The following ASCC1 variants were observed in gnomAD, a reference collection of about 807,000 sequenced individuals.
The protein encoded by ASCC1 is ASC-1 complex subunit P50.
Under a neutral mutation model 46.6 loss-of-function variants are expected in ASCC1, and 35 were observed. That is an observed-to-expected ratio of 0.75 (90% CI 0.57 to 0.99). ASCC1 has a LOEUF of 0.99. Among genes scored for constraint, ASCC1 ranks in the 50% least tolerant of loss-of-function variants. The probability of loss-of-function intolerance (pLI) is 0.00; values close to 1 mark genes in which losing one functional copy is unlikely to be tolerated. For synonymous variants in ASCC1, 143 were observed against 146.6 expected (o/e 0.98, Z 0.18); for missense variants, 376 against 428.7 (o/e 0.88, Z 1.09).
At chr10:72,133,293 G>C in intron 7 of ASCC1, 112 bp from the exon 8 acceptor site, 1 of 1,086,108 alleles carries the variant, frequency 9.2e-7, no homozygotes, top group Non-Finnish European at 1.4e-6. Context: ...ACCATACAAA[G>C]CCCTGCATCA....
At chr10:72,172,392 G>A (rs1369129154) in intron 5 of ASCC1, among the ~76,000 whole-genome samples, 3 of 121,908 alleles carry the variant, frequency 2.5e-5, no homozygotes, top group Non-Finnish European at 3.3e-5. Context: ...TGCTGTCTGG[G>A]CAAAAGAGCA....
rs762289534 is a variant in ASCC1, at chr10:72,213,601, T to TA, written c.-33-271dup. On this transcript the variant is annotated intron_variant, in intron 1 of 9. Transcript: ENST00000672957. ...AAAATGATTAAAAGGCATACACTCT[T>TA]AAAAAAAAAAAAAAAAGAAGGAAGG... 6.8e-3 allele frequency among the ~76,000 whole-genome samples: 874 copies of TA among 128,370 alleles called. 9 individuals are homozygous for TA. Among genetic ancestry groups the TA allele is most frequent in the African/African-American group, 0.019 (677 of 35,444 alleles). The allele number at this position is 128,370 out of a possible 152,430, so 84.2% of individuals were successfully genotyped here.
At chr10:72,106,991 A>T (rs1331179356) in intron 9 of ASCC1, among the ~76,000 whole-genome samples, 1 of 152,188 alleles carries the variant, frequency 6.6e-6, no homozygotes, top group Non-Finnish European at 1.5e-5. Context: ...ATACAACCAG[A>T]TAGCAAAGAA....
At chr10:72,101,586 A>C (rs1841766766) in intron 9 of ASCC1, among the ~76,000 whole-genome samples, 1 of 152,094 alleles carries the variant, frequency 6.6e-6, no homozygotes, top group Admixed American at 6.5e-5. Context: ...GAAAGACAGA[A>C]GGAAGGAGAA....
chr10:72,186,263 G>A (rs1468579466), intron 5 of ASCC1, among the ~76,000 whole-genome samples: 2 of 151,892 alleles, frequency 1.3e-5, no homozygotes, highest in Non-Finnish European at 2.9e-5. Flanking sequence ...TGAGTAGCTG[G>A]GGTGCCCACC....
chr10:72,161,634 T>C lies in ASCC1; in HGVS notation c.530A>G (p.Lys177Arg), dbSNP rs866750467. The stretch of plus-strand genomic sequence containing the variant: ...CAACATCCCAATAGTTAGATGAAGC[T>C]TTTTAGGATTCTGGAAAATGCTGCT... ...VDSSIFQNPK[K>R]LHLTIGMLVL... Residue 177 changes from lysine to arginine, a missense_variant, in exon 6 of 10, where the codon AAG (lysine) becomes AGG (arginine). Coordinates refer to ENST00000672957, the MANE Select transcript of ASCC1 (RefSeq NM_001198800.3). 1 of 1,614,158 alleles carries C rather than the reference T, an allele frequency of 6.2e-7. No homozygotes were observed.
chr10:72,097,366 A>G lies in ASCC1; in HGVS notation c.1042T>C (p.Tyr348His), dbSNP rs1841204036. ...QRFTVDSFGN[Y>H]ASCGQIDFS ...AAGTCAATTTGTCCACAGGAAGCGT[A>G]GTTTCCAAAGCTGTCTACGGTGAAC... Residue 348 changes from tyrosine (Y) to histidine (H), a missense_variant, in exon 10 of 10, where the codon TAC becomes CAC. Transcript: ENST00000672957. 7.4e-6 allele frequency: 12 copies of G among 1,613,734 alleles called. No individual in the cohort carries two copies. Among genetic ancestry groups the G allele is most frequent in the Admixed American group, 1.7e-5 (1 of 60,024 alleles).
At chr10:72,119,719 GA>G (rs201739999) in intron 9 of ASCC1, among the ~76,000 whole-genome samples, 62 of 140,476 alleles carry the variant, frequency 4.4e-4, no homozygotes, top group Non-Finnish European at 4.8e-4. Context: ...ATAGTAAAAG[GA>G]AAAAAAAAAA....
chr10:72,160,781 T>TAA (rs568875489), intron 6 of ASCC1, among the ~76,000 whole-genome samples: 6 of 132,276 alleles, frequency 4.5e-5, no homozygotes, highest in African/African-American at 1.1e-4. Context: ...TTATTTGTAT[T>TAA]AAAAAAAAAA....
At chr10:72,112,299 T>A (rs1843002998) in intron 9 of ASCC1, among the ~76,000 whole-genome samples, 1 of 152,182 alleles carries the variant, frequency 6.6e-6, no homozygotes, top group Non-Finnish European at 1.5e-5. Flanking sequence ...TTGAAAACAT[T>A]ATGCTGAGTG....
At position 72,128,862 on chromosome 10, in the gene ASCC1, A is replaced by G. The variant is rs370401223; in HGVS notation, c.872-695T>C. Reference sequence around the variant, plus strand: ...AAGAAAAAAAATGTAACATCATTTCATGTCCTTCTCAAGTAAAAATTCAAT... The same window carrying G: ...AAGAAAAAAAATGTAACATCATTTCGTGTCCTTCTCAAGTAAAAATTCAAT... On this transcript the variant is annotated intron_variant, in intron 8 of 9. Transcript: ENST00000672957. Among the ~76,000 whole-genome samples, 3 of 152,368 alleles carry G rather than the reference A, an allele frequency of 2.0e-5. No homozygotes were observed. The South Asian group carries it at 6.2e-4, about 32-fold the overall frequency.
intron 5 of ASCC1, among the ~76,000 whole-genome samples, chr10:72,162,858 G>A (rs1262951616): frequency 4.0e-5 from 6 of 151,710 alleles, no homozygotes; most frequent in East Asian, 1.9e-4. Flanking sequence ...CAGGAGAATC[G>A]CTTAAACCTG....
At chr10:72,154,801 G>A (rs1437708671) in intron 6 of ASCC1, among the ~76,000 whole-genome samples, 3 of 152,008 alleles carry the variant, frequency 2.0e-5, no homozygotes, top group African/African-American at 4.8e-5. Context: ...CTATGCATAG[G>A]GTTTTAAATG....
At chr10:72,212,261 C>A in intron 2 of ASCC1, 1 of 186,800 alleles carries the variant, frequency 5.4e-6, no homozygotes, top group Non-Finnish European at 1.2e-5. Context: ...TGCAGAGAGC[C>A]CAGATCACGC....
At chr10:72,107,953 CCTTTT>C (rs1361749938) in intron 9 of ASCC1, among the ~76,000 whole-genome samples, 4 of 152,024 alleles carry the variant, frequency 2.6e-5, no homozygotes, top group Admixed American at 2.6e-4. Context: ...AGATCCCTTC[CCTTTT>C]AACTGTTGAT....
chr10:72,195,157 T>TTG (rs1173187870), intron 5 of ASCC1, among the ~76,000 whole-genome samples: 16 of 141,526 alleles, frequency 1.1e-4, no homozygotes, highest in African/African-American at 3.9e-4. Context: ...TTTTTTTTTT[T>TTG]TTTTTTTGAG....
chr10:72,207,274 T>C (rs7097786), intron 3 of ASCC1, among the ~76,000 whole-genome samples: 21,492 of 151,766 alleles, frequency 0.14, 4,341 homozygotes, highest in African/African-American at 0.45. Context: ...ATTAGCCAGG[T>C]GTGGTGGCGC....
intron 5 of ASCC1, among the ~76,000 whole-genome samples, chr10:72,193,460 ACACACACACACACACACAC>A (rs1365461453): frequency 6.6e-6 from 1 of 151,654 alleles, no homozygotes; most frequent in African/African-American, 2.4e-5. Context: ...ACACACACAC[ACACACACACACACACACAC>A]CACACACACA....
chr10:72,138,135 G>A (rs1846490246), intron 7 of ASCC1, among the ~76,000 whole-genome samples: 1 of 152,194 alleles, frequency 6.6e-6, no homozygotes, highest in African/African-American at 2.4e-5. Context: ...AAAGTGTTGG[G>A]ATTACAGGCG....
Sources: allele counts gnomAD v4.1 joint callset (sites outside exome capture counted in the v4.1 genomes callset), GRCh38; gene constraint gnomAD v4.1.1; transcripts MANE v1.5; gene names NCBI Gene and HGNC (gene_info 2026-07-23, HGNC 2026-07-21).